The following TMEM209 variants were observed in gnomAD, a reference collection of about 807,000 sequenced individuals.
TMEM209 encodes the protein testicular tissue protein Li 202.
In TMEM209, 65 loss-of-function variants were observed where a neutral mutation model predicts 76.2. That is an observed-to-expected ratio of 0.85 (90% CI 0.70 to 1.05). The LOEUF (loss-of-function observed/expected upper bound fraction) is 1.05, where lower values mean the gene tolerates loss of function less well. TMEM209 is among the 50% of genes least tolerant of loss of function. TMEM209 has a pLI of 0.00. For missense variants in TMEM209, 623 were observed against 685.5 expected, an observed-to-expected ratio of 0.91 and a Z score of 1.02; for synonymous variants, 239 against 237.6, an observed-to-expected ratio of 1.01 and a Z score of -0.06.
rs2116976971 is a variant in TMEM209 at position 130,173,892 on chromosome 7, T to C, written c.1392A>G (p.Pro464=). ...FCTYLDSRLP[P]HPKYPDGKTF... Reference sequence around the variant, plus strand: ...TTTTTCCGTCGGGATACTTCGGATGTGGAGGTAATCTGGAATCAAGGTAGG... The same window carrying C: ...TTTTTCCGTCGGGATACTTCGGATGCGGAGGTAATCTGGAATCAAGGTAGG... The change falls in exon 12 of 15, where the codon CCA becomes CCG. Residue 464 remains proline (P), a synonymous_variant. Transcript: ENST00000397622. 1 of 1,613,926 alleles carries C rather than the reference T, an allele frequency of 6.2e-7. No individual in the cohort carries two copies. Among genetic ancestry groups the C allele is most frequent in the Non-Finnish European group, 8.5e-7 (1 of 1,179,810 alleles).
chr7:130,192,533 G>A, intron 6 of TMEM209, 89 bp downstream of exon 6: 2 of 1,095,514 alleles, frequency 1.8e-6, no homozygotes, highest in East Asian at 2.6e-5. Flanking sequence ...AATAAAGTAT[G>A]TTAGTATGGA....
At position 130,188,193 on chromosome 7, in the gene TMEM209, C is replaced by T. The variant is rs117970534; in HGVS notation, c.776-2826G>A. On this transcript the variant is annotated intron_variant, in intron 6 of 14. Transcript: ENST00000397622. ...AGTTTAGACATTACTAAAGAAAGAG[C>T]TGATGAGTCCACAGTGACTAAACCA... Among the ~76,000 whole-genome samples, 157 of 152,302 alleles carry T rather than the reference C, an allele frequency of 1.0e-3. 1 individual carries two copies. Among genetic ancestry groups the T allele is most frequent in the East Asian group, 8.5e-3 (44 of 5,188 alleles).
At chr7:130,205,232 C>G (rs1032069307) in intron 1 of TMEM209, 141 bp downstream of exon 1, 147 of 1,597,106 alleles carry the variant, frequency 9.2e-5, no homozygotes, top group Non-Finnish European at 9.1e-5. Flanking sequence ...CCTATTGCTT[C>G]TTTCTTCCCT....
chr7:130,199,643 T>C (rs1045876811), intron 5 of TMEM209, among the ~76,000 whole-genome samples: 2 of 152,096 alleles, frequency 1.3e-5, no homozygotes, highest in African/African-American at 4.8e-5. Context: ...AATACAAAGA[T>C]GTACAAGGCA....
chr7:130,181,462 T>C (rs193157768), intron 9 of TMEM209, among the ~76,000 whole-genome samples, 161 bp downstream of exon 9: 215 of 152,354 alleles, frequency 1.4e-3, no homozygotes, highest in African/African-American at 4.9e-3. Flanking sequence ...AAATTACATC[T>C]TGATAAAGCT....
chr7:130,170,629 G>T (rs1797037337), intron 13 of TMEM209, among the ~76,000 whole-genome samples, 156 bp from the exon 14 acceptor site: 1 of 152,130 alleles, frequency 6.6e-6, no homozygotes, highest in African/African-American at 2.4e-5. Flanking sequence ...TACGCTTTGT[G>T]CTAGGAAGTG....
At chr7:130,182,305 T>A (rs1297090232) in intron 8 of TMEM209, among the ~76,000 whole-genome samples, 2 of 152,232 alleles carry the variant, frequency 1.3e-5, no homozygotes, top group Non-Finnish European at 2.9e-5. Context: ...TATAAAACTT[T>A]TAGCTATATG....
At chr7:130,192,449 C>A (rs964717619) in intron 6 of TMEM209, 173 bp downstream of exon 6, 26 of 605,316 alleles carry the variant, frequency 4.3e-5, no homozygotes, top group South Asian at 6.7e-5. Context: ...TATTTCACTT[C>A]CTAAATTTAG....
intron 6 of TMEM209, among the ~76,000 whole-genome samples, chr7:130,185,651 A>C (rs887253904): frequency 1.3e-5 from 2 of 152,222 alleles, no homozygotes; most frequent in African/African-American, 2.4e-5. Context: ...TCATTCTCTA[A>C]GACTTTTAAA....
Position 130,173,624 on chromosome 7 carries a change from A to G in TMEM209, c.1557+8T>C. The G allele has an allele frequency of 1.3e-6, 2 of 1,599,940 alleles. No homozygotes were observed. Among genetic ancestry groups the G allele is most frequent in the Non-Finnish European group, 8.5e-7 (1 of 1,169,690 alleles). On this transcript the variant is annotated splice_region_variant and intron_variant, in intron 13 of 14. Coordinates refer to ENST00000397622, the MANE Select transcript of TMEM209 (RefSeq NM_032842.4). The stretch of plus-strand genomic sequence containing the variant: ...TTCTGTAACAGCATCTTCTCTATAT[A>G]GAAATACCTTTGGCAGGTTGTATAC...
rs1389440123 is a variant in TMEM209 at position 130,190,519 on chromosome 7, A to C, written c.775+2103T>G. Among the ~76,000 whole-genome samples the C allele has an allele frequency of 3.9e-5, 6 of 152,014 alleles. No homozygotes were observed. In the South Asian group the frequency reaches 1.0e-3, roughly 26 times the overall value. On this transcript the variant is annotated intron_variant, in intron 6 of 14. Transcript: ENST00000397622. ...GGCGACAGAGCCAAGACTCCATCTC[A>C]AAAAAAGAAAAAAAAAAGGCTAATA...
intron 14 of TMEM209, among the ~76,000 whole-genome samples, chr7:130,168,991 A>C (rs1267858525): frequency 3.3e-5 from 5 of 152,134 alleles, no homozygotes; most frequent in South Asian, 2.1e-4. Flanking sequence ...TAATTACAGC[A>C]CTTTGGGAGG....
At chr7:130,202,333 C>A (rs1798240018) in intron 4 of TMEM209, among the ~76,000 whole-genome samples, 199 bp downstream of exon 4, 1 of 152,144 alleles carries the variant, frequency 6.6e-6, no homozygotes, top group Non-Finnish European at 1.5e-5. Context: ...TGCACCTGAA[C>A]AATGGAACAA....
chr7:130,199,838 T>G (rs1798124656), intron 5 of TMEM209: 1 of 152,182 alleles, frequency 6.6e-6, no homozygotes. Flanking sequence ...TTAACTCTTC[T>G]AACAGTCAGT....
intron 13 of TMEM209, among the ~76,000 whole-genome samples, chr7:130,170,865 G>A (rs1797046102): frequency 6.7e-6 from 1 of 149,676 alleles, no homozygotes; most frequent in Admixed American, 6.7e-5. Flanking sequence ...GTCTCGCTGT[G>A]TCGTCCAGGC....
chr7:130,186,053 G>A (rs1477754924), intron 6 of TMEM209, among the ~76,000 whole-genome samples: 1 of 152,128 alleles, frequency 6.6e-6, no homozygotes, highest in Non-Finnish European at 1.5e-5. Context: ...TGAAAGCAGG[G>A]AGCATTTTTT....
chr7:130,169,537 C>T (rs1337153814), intron 14 of TMEM209, among the ~76,000 whole-genome samples: 2 of 152,190 alleles, frequency 1.3e-5, no homozygotes, highest in East Asian at 3.8e-4. Flanking sequence ...ACACGTTTTA[C>T]ACTTTAGCGC....
intron 8 of TMEM209, among the ~76,000 whole-genome samples, chr7:130,183,567 G>A (rs1562890281): frequency 6.6e-6 from 1 of 152,210 alleles, no homozygotes; most frequent in South Asian, 2.1e-4. Context: ...AACAACAGAA[G>A]TAGTAGCCCC....
chr7:130,175,366 T>G, intron 11 of TMEM209, 146 bp downstream of exon 11: 1 of 660,384 alleles, frequency 1.5e-6, no homozygotes, highest in South Asian at 2.3e-5. Context: ...GAGGCTGAGC[T>G]GGGAGGAGCA....
Sources: gnomAD v4.1 joint callset for allele counts (sites outside exome capture counted in the v4.1 genomes callset) on GRCh38, gnomAD v4.1.1 for gene constraint, MANE v1.5 for transcripts, NCBI Gene and HGNC (gene_info 2026-07-23, HGNC 2026-07-21) for gene names.